Variants in SNX31 observed in about 807,000 individuals in gnomAD.
The protein encoded by SNX31 is sorting nexin 31.
In SNX31, 58 loss-of-function variants were observed where a neutral mutation model predicts 65.4. The observed-to-expected ratio is 0.89, with a 90% CI of 0.72 to 1.10. The LOEUF (loss-of-function observed/expected upper bound fraction) is 1.10, where lower values mean the gene tolerates loss of function less well. SNX31 is among the 50% of genes least tolerant of loss of function. The pLI is 0.00. For missense variants in SNX31, 523 were observed against 529.7 expected, an observed-to-expected ratio of 0.99 and a Z score of 0.12; for synonymous variants, 181 against 190.1, an observed-to-expected ratio of 0.95 and a Z score of 0.39.
At chr8:100,636,073 A>T (rs1473357721) in intron 2 of SNX31, 62 bp from the exon 3 acceptor site, 20 of 1,251,582 alleles carry the variant, frequency 1.6e-5, no homozygotes, top group Non-Finnish European at 1.3e-5. Flanking sequence ...TGATGAGATT[A>T]CTAAAGTCTC....
rs1818016908 is a variant in SNX31, at chr8:100,625,997, T to A, written c.321+4330A>T. ...ATCCCAGCAGTTTGGGAGGCCGAGA[T>A]GGGTAGATCACCTGAGGTCAGGAGT... On this transcript the variant is annotated intron_variant, in intron 4 of 13. Transcript: ENST00000311812. This position sits in a 1 kb window ranked among gnomAD's most constrained non-coding sequence, Gnocchi z 4.2. 6.6e-6 allele frequency among the ~76,000 whole-genome samples: 1 copy of A among 152,094 alleles called. No individual in the cohort carries two copies. Among genetic ancestry groups the A allele is most frequent in the Non-Finnish European group, 1.5e-5 (1 of 67,992 alleles).
chr8:100,650,266 G>A (rs1819923070), upstream of SNX31, among the ~76,000 whole-genome samples: 1 of 152,096 alleles, frequency 6.6e-6, no homozygotes, highest in South Asian at 2.1e-4. Context: ...CTCCCACCTT[G>A]CCGTGATCAC....
At chr8:100,634,110 C>A (rs1311141555) in intron 3 of SNX31, among the ~76,000 whole-genome samples, 1 of 152,144 alleles carries the variant, frequency 6.6e-6, no homozygotes, top group Non-Finnish European at 1.5e-5. Context: ...TCTTTAAGTG[C>A]CAGTTTTGCC....
At chr8:100,590,122 C>T (rs1814431559) in intron 10 of SNX31, among the ~76,000 whole-genome samples, 1 of 152,248 alleles carries the variant, frequency 6.6e-6, no homozygotes, top group Admixed American at 6.5e-5. Flanking sequence ...CCACTAGAGT[C>T]CAATGTGTTG....
Position 100,610,841 on chromosome 8 carries a change from A to G in SNX31, c.611+1159T>C, listed in dbSNP as rs1025720939. 1.3e-5 allele frequency among the ~76,000 whole-genome samples: 2 copies of G among 152,228 alleles called. No individual in the cohort carries two copies. Among genetic ancestry groups the G allele is most frequent in the African/African-American group, 2.4e-5 (1 of 41,454 alleles). ...CTGGAGCTCTAGAGCAAGGCATCAC[A>G]AGGTCAAGGGAATTCTTAGATTTCA... On this transcript the variant is annotated intron_variant, in intron 7 of 13. Coordinates refer to ENST00000311812, the MANE Select transcript of SNX31 (RefSeq NM_152628.4). The surrounding 1 kb of genome is among the most constrained non-coding windows in gnomAD (Gnocchi z 4.0).
rs1815947229 is a variant in SNX31 at position 100,604,416 on chromosome 8, G to A, written c.682-3975C>T. 6.6e-6 allele frequency among the ~76,000 whole-genome samples: 1 copy of A among 152,222 alleles called. No individual in the cohort carries two copies. The highest frequency in any genetic ancestry group is 6.5e-5 in the Admixed American group (1 of 15,290). On this transcript the variant is annotated intron_variant, in intron 8 of 13. Coordinates refer to ENST00000311812, the MANE Select transcript of SNX31 (RefSeq NM_152628.4). This position sits in a 1 kb window ranked among gnomAD's most constrained non-coding sequence, Gnocchi z 4.3. ...CATATGCCTCTCAAAGGCCGGCACT[G>A]GCCACTCGGCTCTGGCGAAAGCATG...
intron 8 of SNX31, 71 bp from the exon 9 acceptor site, chr8:100,600,512 T>C (rs1018367387): frequency 7.9e-7 from 1 of 1,267,776 alleles, no homozygotes; most frequent in Non-Finnish European, 1.1e-6. Flanking sequence ...AACATACTCT[T>C]GTATGAAGGG....
At chr8:100,627,947 C>T (rs2131162924) in intron 4 of SNX31, among the ~76,000 whole-genome samples, 1 of 152,292 alleles carries the variant, frequency 6.6e-6, no homozygotes, top group Admixed American at 6.5e-5. Context: ...ACAGACACTT[C>T]TCAAAAGAAG....
intron 12 of SNX31, among the ~76,000 whole-genome samples, chr8:100,583,534 AC>A (rs2130811859): frequency 6.6e-6 from 1 of 152,244 alleles, no homozygotes; most frequent in South Asian, 2.1e-4. Flanking sequence ...CTTCTCACCA[AC>A]CTTTTTGATG....
rs1814291118 is a variant in SNX31, at chr8:100,588,780, G to A, written c.1092+86C>T. 3.3e-6 allele frequency: 3 copies of A among 913,472 alleles called. No individual in the cohort carries two copies. The South Asian group carries it at 4.3e-5, about 13-fold the overall frequency. 56.6% of individuals were successfully genotyped at this position (913,472 alleles called of 1,614,324 possible). ...ACACTTTAGGGTCCTGCTCTAGTTG[G>A]GTTAGGGTCATGTGCTTCATCCACC... On this transcript the variant is annotated intron_variant, in intron 11 of 13. Coordinates refer to ENST00000311812, the MANE Select transcript of SNX31 (RefSeq NM_152628.4). The surrounding 1 kb of genome is among the most constrained non-coding windows in gnomAD (Gnocchi z 4.8).
chr8:100,640,469 T>G (rs28782547), intron 2 of SNX31, among the ~76,000 whole-genome samples: 72,554 of 151,936 alleles, frequency 0.48, 17,600 homozygotes, highest in African/African-American at 0.55. Flanking sequence ...AGGGGGAGCA[T>G]AAATCCCCAC....
intron 2 of SNX31, among the ~76,000 whole-genome samples, chr8:100,647,632 A>G (rs1346953015): frequency 1.3e-5 from 2 of 152,184 alleles, no homozygotes; most frequent in East Asian, 3.8e-4. Flanking sequence ...TGAGGCTGAC[A>G]TCCATAAGGA....
Position 100,630,461 on chromosome 8 carries a change from C to T in SNX31, c.257-70G>A, listed in dbSNP as rs536793432. On this transcript the variant is annotated intron_variant, in intron 3 of 13. Transcript: ENST00000311812. This position sits in a 1 kb window ranked among gnomAD's most constrained non-coding sequence, Gnocchi z 5.3. The stretch of plus-strand genomic sequence containing the variant: ...GGCCCTGCCTATTAATTGCTATGTC[C>T]TCCAGAGATCCCTCCATGCCTTGCC... 3.9e-6 allele frequency: 5 copies of T among 1,296,862 alleles called. No individual in the cohort carries two copies. The East Asian group carries it at 1.2e-4, about 31-fold the overall frequency. 80.3% of individuals were successfully genotyped at this position (1,296,862 alleles called of 1,614,324 possible).
intron 2 of SNX31, among the ~76,000 whole-genome samples, chr8:100,643,809 A>G (rs553586649): frequency 2.6e-5 from 4 of 152,326 alleles, no homozygotes; most frequent in African/African-American, 9.6e-5. Flanking sequence ...ACAAGCCTTC[A>G]TTCTGTCCCT....
At chr8:100,621,042 G>A (rs1377028706) in intron 4 of SNX31, among the ~76,000 whole-genome samples, 1 of 152,204 alleles carries the variant, frequency 6.6e-6, no homozygotes, top group Non-Finnish European at 1.5e-5. Flanking sequence ...TACTTGAGAG[G>A]CTGAGTCAGG....
intron 11 of SNX31, among the ~76,000 whole-genome samples, chr8:100,585,922 T>A (rs1294267181): frequency 6.6e-6 from 1 of 151,612 alleles, no homozygotes; most frequent in East Asian, 1.9e-4. Flanking sequence ...AAGGATCGAG[T>A]TGTTGTTTTT....
intron 12 of SNX31, among the ~76,000 whole-genome samples, chr8:100,579,600 C>T (rs566261061): frequency 6.6e-5 from 10 of 152,266 alleles, no homozygotes; most frequent in Admixed American, 1.3e-4. Context: ...CTTGGTGTTT[C>T]CCCTCCTCAC....
At position 100,625,633 on chromosome 8, in the gene SNX31, T is replaced by C. The variant is rs747278655; in HGVS notation, c.321+4694A>G. 1.1e-4 allele frequency among the ~76,000 whole-genome samples: 16 copies of C among 152,188 alleles called. No individual in the cohort carries two copies. The highest frequency in any genetic ancestry group is 1.9e-4 in the Non-Finnish European group (13 of 68,038). ...AAGCATCCTTGAAGAAACTTACAAATAGCCCTGAGCCTGAGGTTTTCAGAA... is the reference window on the plus strand; with the variant it reads ...AAGCATCCTTGAAGAAACTTACAAACAGCCCTGAGCCTGAGGTTTTCAGAA... On this transcript the variant is annotated intron_variant, in intron 4 of 13. Coordinates refer to ENST00000311812, the MANE Select transcript of SNX31 (RefSeq NM_152628.4). This position sits in a 1 kb window ranked among gnomAD's most constrained non-coding sequence, Gnocchi z 4.2.
intron 8 of SNX31, among the ~76,000 whole-genome samples, chr8:100,602,767 G>T (rs1815760345): frequency 6.6e-6 from 1 of 152,206 alleles, no homozygotes; most frequent in Non-Finnish European, 1.5e-5. Context: ...ACAAAGAGAT[G>T]ATTCATGTTC....
Sources: allele counts gnomAD v4.1 joint callset (sites outside exome capture counted in the v4.1 genomes callset), GRCh38; gene constraint gnomAD v4.1.1; non-coding constraint Gnocchi (gnomAD v3.1); transcripts MANE v1.5; gene names NCBI Gene and HGNC (gene_info 2026-07-23, HGNC 2026-07-21).